HS3ST4: variants seen among roughly 807,000 people sequenced by gnomAD.
The protein encoded by HS3ST4 is heparan sulfate glucosamine 3-O-sulfotransferase 4.
In HS3ST4, 17 loss-of-function variants were observed where a neutral mutation model predicts 29.2. That is an observed-to-expected ratio of 0.58 (90% confidence interval 0.40 to 0.87). The LOEUF is 0.87. HS3ST4 is among the 40% of genes least tolerant of loss of function. The pLI is 0.00. For synonymous variants in HS3ST4, 314 were observed against 285.7 expected (o/e 1.10, Z -1.00); for missense variants, 627 against 634.5 (o/e 0.99, Z 0.13).
chr16:25,900,865 G>T (rs1968114310), intron 1 of HS3ST4, among the ~76,000 whole-genome samples: 1 of 152,072 alleles, frequency 6.6e-6, no homozygotes, highest in Non-Finnish European at 1.5e-5. Flanking sequence ...GAGAGTTGAA[G>T]ATTTTAATGT....
chr16:26,050,376 TA>T (rs1233639387), intron 1 of HS3ST4, among the ~76,000 whole-genome samples: 1 of 152,078 alleles, frequency 6.6e-6, no homozygotes. Context: ...AATCATCCCA[TA>T]AGCTGAGATG....
intron 1 of HS3ST4, among the ~76,000 whole-genome samples, chr16:26,001,061 A>G (rs1969207684): frequency 2.0e-5 from 3 of 152,186 alleles, no homozygotes; most frequent in African/African-American, 4.8e-5. Context: ...TAGAGGGGAA[A>G]AAAAGCAATA....
At chr16:25,705,672 T>A (rs1358803123) in intron 1 of HS3ST4, among the ~76,000 whole-genome samples, 3 of 151,392 alleles carry the variant, frequency 2.0e-5, no homozygotes, top group East Asian at 1.9e-4. Context: ...CAAAAAAAAA[T>A]AAAAATAAAA....
intron 1 of HS3ST4, among the ~76,000 whole-genome samples, chr16:25,855,589 T>C (rs914169441): frequency 6.6e-6 from 1 of 152,166 alleles, no homozygotes; most frequent in Non-Finnish European, 1.5e-5. Flanking sequence ...AGTCTTATAA[T>C]CACTATTTTA....
rs1567249508 is a variant in HS3ST4, at chr16:25,828,298, T to TCTCTC, written c.734+135147_734+135148insCTCTC. 7.9e-4 allele frequency among the ~76,000 whole-genome samples: 22 copies of TCTCTC among 27,920 alleles called. 1 individual carries two copies. The highest frequency in any genetic ancestry group is 1.2e-3 in the Non-Finnish European group (17 of 14,278). The allele number at this position is 27,920 out of a possible 152,430, so 18.3% of individuals were successfully genotyped here. A position where few individuals can be genotyped will look rare whatever the true frequency, so the allele number is the denominator to read the frequency against. ...TTTCTTTCTTTCTTTCTTTCTTTCTTTCCCTCTCTCTCTCTCTCTCTCTCT... is the reference window on the plus strand; with the variant it reads ...TTTCTTTCTTTCTTTCTTTCTTTCTTCTCTCTCCCTCTCTCTCTCTCTCTCTCTCT... On this transcript the variant is annotated intron_variant, in intron 1 of 1. Transcript: ENST00000331351.
chr16:25,892,648 G>A (rs1453198422), intron 1 of HS3ST4, among the ~76,000 whole-genome samples: 1 of 152,188 alleles, frequency 6.6e-6, no homozygotes, highest in African/African-American at 2.4e-5. Flanking sequence ...AAATTTATTT[G>A]CTCACTTAAC....
chr16:25,994,813 T>C (rs1969145011), intron 1 of HS3ST4, among the ~76,000 whole-genome samples: 1 of 152,208 alleles, frequency 6.6e-6, no homozygotes, highest in Admixed American at 6.5e-5. Context: ...GAAAGAAAGC[T>C]CAGAGAATTA....
chr16:25,983,475 C>G (rs1969029747), intron 1 of HS3ST4, among the ~76,000 whole-genome samples: 1 of 152,210 alleles, frequency 6.6e-6, no homozygotes, highest in Non-Finnish European at 1.5e-5. Flanking sequence ...GGATCCTCCT[C>G]TCTCCTGTTC....
intron 1 of HS3ST4, among the ~76,000 whole-genome samples, chr16:25,828,249 TTTC>T (rs1967245744): frequency 1.5e-5 from 1 of 64,802 alleles, no homozygotes; most frequent in Admixed American, 1.6e-4. Flanking sequence ...TTTCTCTTTC[TTTC>T]TTTCTTTCTT....
At chr16:25,939,462 C>G (rs1347340929) in intron 1 of HS3ST4, among the ~76,000 whole-genome samples, 1 of 151,812 alleles carries the variant, frequency 6.6e-6, no homozygotes, top group African/African-American at 2.4e-5. Context: ...CTCAGCCTCC[C>G]GAGTAGCTGG....
intron 1 of HS3ST4, among the ~76,000 whole-genome samples, chr16:25,924,198 G>A (rs1968381606): frequency 6.6e-6 from 1 of 152,180 alleles, no homozygotes; most frequent in Non-Finnish European, 1.5e-5. Context: ...TCATCTTGGA[G>A]CTGCTTGTTT....
chr16:26,120,597 C>T (rs1218258532), intron 1 of HS3ST4, among the ~76,000 whole-genome samples: 1 of 152,190 alleles, frequency 6.6e-6, no homozygotes, highest in Non-Finnish European at 1.5e-5. Context: ...GGCAGTGTGG[C>T]AGAACACACT....
At chr16:25,979,039 A>G (rs1968975588) in intron 1 of HS3ST4, among the ~76,000 whole-genome samples, 1 of 146,020 alleles carries the variant, frequency 6.8e-6, no homozygotes, top group African/African-American at 2.5e-5. Context: ...CTGGGATTAC[A>G]GGCATGCACC....
At chr16:25,811,762 T>C (rs915902478) in intron 1 of HS3ST4, among the ~76,000 whole-genome samples, 2 of 152,226 alleles carry the variant, frequency 1.3e-5, no homozygotes, top group Non-Finnish European at 2.9e-5. Flanking sequence ...TAGCTTACTT[T>C]ATTGTAAGAA....
intron 1 of HS3ST4, among the ~76,000 whole-genome samples, chr16:25,887,168 T>G (rs538151813): frequency 2.6e-5 from 4 of 152,146 alleles, no homozygotes; most frequent in Non-Finnish European, 5.9e-5. Flanking sequence ...GAATGTCCAC[T>G]GAAGGAGTAA....
chr16:25,706,500 T>G (rs1966377065), intron 1 of HS3ST4, among the ~76,000 whole-genome samples: 1 of 152,124 alleles, frequency 6.6e-6, no homozygotes, highest in Admixed American at 6.5e-5. Flanking sequence ...CCGGCATGCA[T>G]TAGGTATTTG....
chr16:26,042,251 C>T (rs550331037), intron 1 of HS3ST4, among the ~76,000 whole-genome samples: 5 of 152,270 alleles, frequency 3.3e-5, no homozygotes, highest in Admixed American at 6.5e-5. Flanking sequence ...CTCTTTAACT[C>T]TGAAATTAGT....
intron 1 of HS3ST4, among the ~76,000 whole-genome samples, chr16:26,050,221 A>G (rs1596663251): frequency 6.6e-6 from 1 of 152,260 alleles, no homozygotes; most frequent in East Asian, 1.9e-4. Context: ...TAATATACAA[A>G]AAGACATCAC....
chr16:25,948,599 C>T (rs1252291702), intron 1 of HS3ST4, among the ~76,000 whole-genome samples: 1 of 152,104 alleles, frequency 6.6e-6, no homozygotes, highest in Non-Finnish European at 1.5e-5. Context: ...CCAGTCTGTA[C>T]CCCTTTGTTC....
Sources: gnomAD v4.1 joint callset for allele counts (sites outside exome capture counted in the v4.1 genomes callset) on GRCh38, gnomAD v4.1.1 for gene constraint, MANE v1.5 for transcripts, NCBI Gene and HGNC (gene_info 2026-07-23, HGNC 2026-07-21) for gene names.